Variants in ODAD1 observed in about 807,000 individuals in gnomAD.
ODAD1 encodes outer dynein arm-docking complex subunit 1.
In ODAD1, 49 loss-of-function variants were observed where a neutral mutation model predicts 67.2. The observed-to-expected ratio is 0.73, with a 90% CI of 0.58 to 0.92. The LOEUF (loss-of-function observed/expected upper bound fraction) is 0.92. ODAD1 is among the 40% of genes least tolerant of loss of function. The pLI is 0.00. For missense variants in ODAD1, 897 were observed against 953.7 expected (o/e 0.94, Z 0.78); for synonymous variants, 345 against 393.7 (o/e 0.88, Z 1.46).
intron 5 of ODAD1, among the ~76,000 whole-genome samples, chr19:48,315,660 G>A (rs187256747): frequency 6.3e-4 from 96 of 152,104 alleles, no homozygotes; most frequent in African/African-American, 2.0e-3. Flanking sequence ...TCCTCTTCCT[G>A]CAGTCGAGTC....
At position 48,306,263 on chromosome 19, in the gene ODAD1, C is replaced by T. The variant is rs773209379; in HGVS notation, c.658G>A (p.Ala220Thr). 25 of 1,551,394 alleles carry T rather than the reference C, an allele frequency of 1.6e-5. No homozygotes were observed. Among genetic ancestry groups the T allele is most frequent in the South Asian group, 1.2e-4 (10 of 84,056 alleles). ...GATACCCGCAGTCTCTACCTGACGG[C>T]GTAGGCAGAGGTGGAGGAGAGGATA... ...TLILSSTSAY[A>T]VREEAKAKMG... Residue 220 changes from alanine (A) to threonine (T), a missense_variant, in exon 8 of 16, where the codon GCC (alanine) becomes ACC (threonine). Coordinates refer to ENST00000674294, the MANE Select transcript of ODAD1 (RefSeq NM_001364171.2).
intron 7 of ODAD1, among the ~76,000 whole-genome samples, chr19:48,308,895 A>G (rs1310576485): frequency 6.6e-6 from 1 of 151,980 alleles, no homozygotes; most frequent in African/African-American, 2.4e-5. Flanking sequence ...ACCCGCAGCT[A>G]CAGACCCGGG....
chr19:48,307,040 C>T (rs1246853077), intron 7 of ODAD1, among the ~76,000 whole-genome samples: 9 of 151,954 alleles, frequency 5.9e-5, no homozygotes. Flanking sequence ...AAAAATTAAC[C>T]AGGCGTGGTG....
intron 10 of ODAD1, 74 bp downstream of exon 10, chr19:48,303,576 T>G: frequency 1.9e-6 from 3 of 1,578,454 alleles, no homozygotes; most frequent in Non-Finnish European, 2.6e-6. Context: ...GGGCCAGAGC[T>G]GAGGCCAGCC....
At chr19:48,319,922 G>A (rs995335145) in intron 3 of ODAD1, 6 of 424,748 alleles carry the variant, frequency 1.4e-5, no homozygotes, top group African/African-American at 2.2e-5. Flanking sequence ...GGCATCCTAC[G>A]ACACACAGGA....
In ODAD1 at chr19:48,318,402, C is replaced by T. The variant is rs886792871; in HGVS notation, c.345G>A (p.Arg115=). The change falls in exon 5 of 16, where the codon AGG becomes AGA. Residue 115 remains arginine (R), a synonymous_variant. Transcript: ENST00000674294. ...CAAACCCCACCTGCTTGTCCAGGGC[C>T]CTGGTCTGCTCCTGCAGCTCCTCGA... ...AEIEELQEQT[R]ALDKQIQEWE... is the part of the protein sequence containing the mutation. 6.4e-6 allele frequency: 10 copies of T among 1,551,454 alleles called. No individual in the cohort carries two copies. The highest frequency in any genetic ancestry group is 5.5e-5 in the African/African-American group (4 of 73,028).
At chr19:48,310,699 G>A (rs1469341803) in intron 7 of ODAD1, among the ~76,000 whole-genome samples, 2 of 152,186 alleles carry the variant, frequency 1.3e-5, no homozygotes, top group Non-Finnish European at 2.9e-5. Context: ...AATAAATGTG[G>A]CAAATTATCA....
At position 48,321,437 on chromosome 19, in the gene ODAD1, G is replaced by A. The variant is rs1600878467; in HGVS notation, c.-64+241C>T. 7 of 180,310 alleles carry A rather than the reference G, an allele frequency of 3.9e-5. No individual in the cohort carries two copies. The East Asian group carries it at 7.4e-4, about 19-fold the overall frequency. 11.2% of individuals were successfully genotyped at this position (180,310 alleles called of 1,614,324 possible). A position where few individuals can be genotyped will look rare whatever the true frequency, so the allele number is the denominator to read the frequency against. On this transcript the variant is annotated intron_variant, in intron 1 of 15. Coordinates refer to ENST00000674294, the MANE Select transcript of ODAD1 (RefSeq NM_001364171.2). The stretch of plus-strand genomic sequence containing the variant: ...GTGAGTGGGAAGAACTTCGAGGGGC[G>A]GGGCTTCGGGGCCGGCGAGGGGAGG...
rs1250001204 is a variant in ODAD1, at chr19:48,318,470, T to C, written c.277A>G (p.Met93Val). The C allele has an allele frequency of 6.4e-7, 1 of 1,551,624 alleles. No individual in the cohort carries two copies. Among genetic ancestry groups the C allele is most frequent in the Non-Finnish European group, 8.7e-7 (1 of 1,146,974 alleles). The part of the protein sequence containing the change: ...RLRDSQRLEN[M>V]DRLLKGRAQV... The stretch of plus-strand genomic sequence containing the variant: ...GCCCGGCCCTTCAGCAGGCGGTCCA[T>C]GTTCTCCAGCCGCTGACTGTCCCGA... The change falls in exon 5 of 16, where the codon ATG becomes GTG. Residue 93 changes from methionine (M) to valine (V), a missense_variant. Transcript: ENST00000674294.
chr19:48,318,567 G>C lies in ODAD1; in HGVS notation c.180C>G (p.Ile60Met). 6.4e-7 allele frequency: 1 copy of C among 1,551,222 alleles called. No homozygotes were observed. The highest frequency in any genetic ancestry group is 2.0e-5 in the Admixed American group (1 of 50,990). Residue 60 changes from isoleucine (I) to methionine (M), a missense_variant, in exon 5 of 16, where the codon ATC (isoleucine) becomes ATG (methionine). By Grantham distance (10) the Ile-to-Met change is conservative. Coordinates refer to ENST00000674294, the MANE Select transcript of ODAD1 (RefSeq NM_001364171.2). ...HQRINKQLEEIRRLEEVRGDL... is the reference protein window; with the variant it reads ...HQRINKQLEEMRRLEEVRGDL... ...CGCCCCGTACCTCCTCCAAGCGCCG[G>C]ATCTCCTCACTACCCAGGCAGGGAG...
intron 6 of ODAD1, 45 bp from the exon 7 acceptor site, chr19:48,311,711 C>G: frequency 8.6e-7 from 1 of 1,161,652 alleles, no homozygotes; most frequent in Non-Finnish European, 1.3e-6. Flanking sequence ...GAAGCCAAGT[C>G]TGCCTGCCTC....
At chr19:48,309,515 C>G (rs2147325248) in intron 7 of ODAD1, among the ~76,000 whole-genome samples, 1 of 152,260 alleles carries the variant, frequency 6.6e-6, no homozygotes, top group East Asian at 1.9e-4. Context: ...AGGAGCTGCC[C>G]CCTGCAGGTC....
intron 8 of ODAD1, among the ~76,000 whole-genome samples, chr19:48,304,881 G>A (rs1227146090): frequency 7.1e-6 from 1 of 141,498 alleles, no homozygotes; most frequent in Non-Finnish European, 1.5e-5. Context: ...TGTACTTCCC[G>A]GTGGCAGGTA....
chr19:48,298,262 C>G lies in ODAD1; in HGVS notation c.1319G>C (p.Gly440Ala). ...DDLLGVKTSM[G>A]DRDMGLFLSL... ...CAGGAAGAGGCCCATGTCCCGGTCT[C>G]CCATGCTGGTCTTGACCCCAAGGAG... Residue 440 changes from glycine to alanine, a missense_variant, in exon 13 of 16, where the codon GGA becomes GCA. Coordinates refer to ENST00000674294, the MANE Select transcript of ODAD1 (RefSeq NM_001364171.2). 2 of 1,614,178 alleles carry G rather than the reference C, an allele frequency of 1.2e-6. No individual in the cohort carries two copies.
At chr19:48,316,348 C>T (rs1415995165) in intron 5 of ODAD1, among the ~76,000 whole-genome samples, 2 of 151,832 alleles carry the variant, frequency 1.3e-5, no homozygotes, top group Non-Finnish European at 2.9e-5. Context: ...CCATTGCACT[C>T]CAGCCTGGGT....
At chr19:48,298,804 CCT>C (rs561369319) in intron 12 of ODAD1, among the ~76,000 whole-genome samples, 190 of 152,318 alleles carry the variant, frequency 1.2e-3, no homozygotes, top group African/African-American at 4.2e-3. Context: ...TGTCCTAGCC[CCT>C]GAGTGATGAG....
chr19:48,311,523 T>C, intron 7 of ODAD1, 30 bp downstream of exon 7: 1 of 1,319,360 alleles, frequency 7.6e-7, no homozygotes, highest in Non-Finnish European at 1.1e-6. Flanking sequence ...GGGGTCCCTG[T>C]CTCCTCCCCT....
At chr19:48,321,603 A>G in intron 1 of ODAD1, 75 bp downstream of exon 1, 1 of 370,018 alleles carries the variant, frequency 2.7e-6, no homozygotes, top group Non-Finnish European at 4.8e-6. Context: ...GCTAATCGGG[A>G]GGCGCTCAGG....
intron 12 of ODAD1, among the ~76,000 whole-genome samples, chr19:48,300,010 TAA>T (rs565387758): frequency 1.5e-5 from 2 of 135,798 alleles, no homozygotes; most frequent in Non-Finnish European, 1.6e-5. Flanking sequence ...ATCCTATCTC[TAA>T]AAAAAAAAAG....
Sources: gnomAD v4.1 joint callset for allele counts (sites outside exome capture counted in the v4.1 genomes callset) on GRCh38, gnomAD v4.1.1 for gene constraint, MANE v1.5 for transcripts, NCBI Gene and HGNC (gene_info 2026-07-23, HGNC 2026-07-21) for gene names.